The following CUX2 variants were observed in gnomAD, a reference collection of about 807,000 sequenced individuals.
The protein encoded by CUX2 is homeobox protein cut-like 2.
CUX2 carries 40 observed loss-of-function variants against 144.8 expected under a neutral mutation model. The ratio of observed to expected loss-of-function variants is 0.28; its 90% CI spans 0.21 to 0.36. CUX2 has a LOEUF of 0.36. Among genes scored for constraint, CUX2 ranks in the 10% least tolerant of loss-of-function variants. The pLI, the probability that CUX2 is intolerant of heterozygous loss-of-function variation, is 1.00. For synonymous variants in CUX2, 827 were observed against 875.6 expected, an observed-to-expected ratio of 0.94 and a Z score of 0.98; for missense variants, 1,615 against 1,994.0, an observed-to-expected ratio of 0.81 and a Z score of 3.62.
At position 111,291,505 on chromosome 12, in the gene CUX2, A is replaced by C. The variant is rs1329502170; in HGVS notation, c.389A>C (p.Asp130Ala). The part of the protein sequence containing the change: ...SFDPSGQPRR[D>A]LHTSWKRNPE... ...GACCCCAGTGGGCAGCCCCGGCGAGACCTCCACACTTCGTGGAAGAGGAAC... is the reference window on the plus strand; with the variant it reads ...GACCCCAGTGGGCAGCCCCGGCGAGCCCTCCACACTTCGTGGAAGAGGAAC... The change falls in exon 5 of 22, where the codon GAC (aspartate) becomes GCC (alanine). Residue 130 changes from aspartate to alanine, a missense_variant. Physicochemically the swap from Asp to Ala is moderately radical, Grantham distance 126. Coordinates refer to ENST00000261726, the MANE Select transcript of CUX2 (RefSeq NM_015267.4). 1.2e-6 allele frequency: 2 copies of C among 1,611,764 alleles called. No individual in the cohort carries two copies. Among genetic ancestry groups the C allele is most frequent in the Non-Finnish European group, 1.7e-6 (2 of 1,178,968 alleles).
At position 111,152,841 on chromosome 12, in the gene CUX2, C is replaced by T. The variant is rs369032934; in HGVS notation, c.64-61359C>T. Among the ~76,000 whole-genome samples the T allele has an allele frequency of 3.9e-5, 6 of 152,162 alleles. No individual in the cohort carries two copies. In the East Asian group the frequency reaches 5.8e-4, roughly 15 times the overall value. On this transcript the variant is annotated intron_variant, in intron 1 of 21. Coordinates refer to ENST00000261726, the MANE Select transcript of CUX2 (RefSeq NM_015267.4). Reference sequence around the variant, plus strand: ...TGGCAGTCAGGGACTGGGGACAAGCCGCTCTAGATGGGGCCTGTGAGGCCA... The same window carrying T: ...TGGCAGTCAGGGACTGGGGACAAGCTGCTCTAGATGGGGCCTGTGAGGCCA...
At position 111,214,227 on chromosome 12, in the gene CUX2, C is replaced by A; in HGVS notation, c.91C>A (p.Leu31Met). Reference sequence around the variant, plus strand: ...GGAGCTTAATTCCGTCGCTTCTGAGCTGTCTGCACGGCAGGAGGAGAGTGA... The same window carrying A: ...GGAGCTTAATTCCGTCGCTTCTGAGATGTCTGCACGGCAGGAGGAGAGTGA... ...QKELNSVASE[L>M]SARQEESEHS... Residue 31 changes from leucine (L) to methionine (M), a missense_variant, in exon 2 of 22, where the codon CTG becomes ATG. Coordinates refer to ENST00000261726, the MANE Select transcript of CUX2 (RefSeq NM_015267.4). 6.3e-7 allele frequency: 1 copy of A among 1,585,954 alleles called. No individual in the cohort carries two copies. Among genetic ancestry groups the A allele is most frequent in the Non-Finnish European group, 8.6e-7 (1 of 1,169,224 alleles).
intron 3 of CUX2, among the ~76,000 whole-genome samples, chr12:111,239,471 G>A (rs1395318658): frequency 6.6e-6 from 1 of 152,186 alleles, no homozygotes; most frequent in Non-Finnish European, 1.5e-5. Flanking sequence ...TGAGTCGGGT[G>A]TACGCCTTAG....
chr12:111,265,257 C>CTA (rs1382451288), intron 4 of CUX2, among the ~76,000 whole-genome samples: 2 of 151,956 alleles, frequency 1.3e-5, no homozygotes, highest in African/African-American at 4.8e-5. Flanking sequence ...CACAAAGGAT[C>CTA]TATACATATG....
chr12:111,222,535 G>A (rs1253034982), intron 3 of CUX2, among the ~76,000 whole-genome samples: 1 of 152,226 alleles, frequency 6.6e-6, no homozygotes. Flanking sequence ...AAACACAGTA[G>A]TTTGGAGACC....
intron 1 of CUX2, among the ~76,000 whole-genome samples, chr12:111,128,296 G>A (rs867219746): frequency 4.6e-5 from 7 of 152,224 alleles, no homozygotes; most frequent in Admixed American, 1.3e-4. Context: ...CAGTCCTTCA[G>A]GGATGTCCCA....
At chr12:111,191,472 C>T (rs1404952470) in intron 1 of CUX2, among the ~76,000 whole-genome samples, 2 of 152,208 alleles carry the variant, frequency 1.3e-5, no homozygotes, top group East Asian at 3.9e-4. Flanking sequence ...GCTGAGATTA[C>T]AGGCACACGC....
In CUX2 at chr12:111,102,106, C is replaced by T. The variant is rs1176107251; in HGVS notation, c.63+67866C>T. ...TTTCTGTAGCCTTGCCCACTGTGTG[C>T]TGCTGTCAGGCAGCTGCTGTGTGCC... On this transcript the variant is annotated intron_variant, in intron 1 of 21. Coordinates refer to ENST00000261726, the MANE Select transcript of CUX2 (RefSeq NM_015267.4). Among the ~76,000 whole-genome samples the T allele has an allele frequency of 8.5e-5, 13 of 152,186 alleles. No individual in the cohort carries two copies. The East Asian group carries it at 2.5e-3, about 29-fold the overall frequency.
intron 1 of CUX2, among the ~76,000 whole-genome samples, chr12:111,192,454 C>T (rs901662608): frequency 1.3e-5 from 2 of 152,178 alleles, no homozygotes; most frequent in East Asian, 3.9e-4. Context: ...GAACCCAGCC[C>T]TGCTCCTCCA....
At chr12:111,183,262 C>T (rs1243862272) in intron 1 of CUX2, among the ~76,000 whole-genome samples, 1 of 152,232 alleles carries the variant, frequency 6.6e-6, no homozygotes, top group Non-Finnish European at 1.5e-5. Context: ...CTGGGATAGC[C>T]AAGAATGACA....
At chr12:111,089,487 T>C (rs1872433574) in intron 1 of CUX2, among the ~76,000 whole-genome samples, 1 of 152,204 alleles carries the variant, frequency 6.6e-6, no homozygotes, top group Non-Finnish European at 1.5e-5. Flanking sequence ...GAGCAAAGCC[T>C]CCACCTGAAT....
rs567223840 is a variant in CUX2 at position 111,246,440 on chromosome 12, C to T, written c.223-17321C>T. Among the ~76,000 whole-genome samples, 16 of 152,290 alleles carry T rather than the reference C, an allele frequency of 1.1e-4. No homozygotes were observed. The highest frequency in any genetic ancestry group is 2.2e-4 in the Non-Finnish European group (15 of 68,020). The stretch of plus-strand genomic sequence containing the variant: ...TTAAAACGGTGCCCAGCACACTGGC[C>T]ACCCTCCAATTCACTGTATTCCTCT... On this transcript the variant is annotated intron_variant, in intron 3 of 21. Transcript: ENST00000261726. This position sits in a 1 kb window ranked among gnomAD's most constrained non-coding sequence, Gnocchi z 4.0.
intron 1 of CUX2, among the ~76,000 whole-genome samples, chr12:111,087,876 A>G (rs560438047): frequency 6.6e-6 from 1 of 152,350 alleles, no homozygotes; most frequent in East Asian, 1.9e-4. Context: ...TTTATTCATG[A>G]GTAGCCAAAA....
rs1884250736 is a variant in CUX2, at chr12:111,263,818, A to G, written c.280A>G (p.Lys94Glu). The change falls in exon 4 of 22, where the codon AAG becomes GAG. Residue 94 changes from lysine to glutamate, a missense_variant. This residue lies in a region of CUX2 where 295 missense variants were observed against 400.2 expected (regional missense o/e 0.74). Coordinates refer to ENST00000261726, the MANE Select transcript of CUX2 (RefSeq NM_015267.4). The surrounding 1 kb of genome is among the most constrained non-coding windows in gnomAD (Gnocchi z 4.0). ...EAEAAFLSVYKQLIEAPDPVP... is the reference protein window; with the variant it reads ...EAEAAFLSVYEQLIEAPDPVP... ...GGAGGCTGCTTTTCTGAGTGTTTACAAGCAATTAATTGAAGCACCAGGTAA... is the reference window on the plus strand; with the variant it reads ...GGAGGCTGCTTTTCTGAGTGTTTACGAGCAATTAATTGAAGCACCAGGTAA... The G allele has an allele frequency of 2.5e-6, 4 of 1,614,044 alleles. No individual in the cohort carries two copies. The highest frequency in any genetic ancestry group is 1.6e-4 in the Middle Eastern group (1 of 6,084).
intron 3 of CUX2, among the ~76,000 whole-genome samples, chr12:111,253,043 G>A (rs1367512803): frequency 6.6e-6 from 1 of 151,920 alleles, no homozygotes; most frequent in African/African-American, 2.4e-5. Context: ...CACAATCCCA[G>A]AATCCTAGCA....
At chr12:111,216,096 G>C (rs568935247) in intron 2 of CUX2, among the ~76,000 whole-genome samples, 1 of 152,304 alleles carries the variant, frequency 6.6e-6, no homozygotes, top group South Asian at 2.1e-4. Flanking sequence ...GCGTCCCCCA[G>C]CCGTGAAGCA....
At chr12:111,194,236 A>G (rs1363891823) in intron 1 of CUX2, among the ~76,000 whole-genome samples, 3 of 152,180 alleles carry the variant, frequency 2.0e-5, no homozygotes, top group Non-Finnish European at 4.4e-5. Context: ...AAACAGGAAT[A>G]ATAACAGCAC....
intron 1 of CUX2, among the ~76,000 whole-genome samples, chr12:111,062,970 C>T (rs1870847346): frequency 6.6e-6 from 1 of 152,068 alleles, no homozygotes; most frequent in African/African-American, 2.4e-5. Context: ...GGCAGGGTCC[C>T]ATGAGGCTTG....
rs147389725 is a variant in CUX2, at chr12:111,322,321, C to CAAAAAAAAAA, written c.2767-86_2767-77dup. Reference sequence around the variant, plus strand: ...CGACAGACAAAGCGAGACTCTGCCTCAAAAAAAAAAAAAAAAAAAAAAAGG... The same window carrying CAAAAAAAAAA: ...CGACAGACAAAGCGAGACTCTGCCTCAAAAAAAAAAAAAAAAAAAAAAAAAAAAAAAAAGG... On this transcript the variant is annotated intron_variant, in intron 17 of 21. Transcript: ENST00000261726. This position sits in a 1 kb window ranked among gnomAD's most constrained non-coding sequence, Gnocchi z 4.2. 1.2e-5 allele frequency: 9 copies of CAAAAAAAAAA among 762,160 alleles called. No homozygotes were observed. The highest frequency in any genetic ancestry group is 5.0e-5 in the African/African-American group (2 of 40,336). 47.2% of individuals were successfully genotyped at this position (762,160 alleles called of 1,614,324 possible).
Sources: allele counts gnomAD v4.1 joint callset (sites outside exome capture counted in the v4.1 genomes callset), GRCh38; gene constraint gnomAD v4.1.1; regional missense constraint gnomAD v4.1.1; non-coding constraint Gnocchi (gnomAD v3.1); transcripts MANE v1.5; gene names NCBI Gene and HGNC (gene_info 2026-07-23, HGNC 2026-07-21).